The following KCNH7 variants were observed in gnomAD, a reference collection of about 807,000 sequenced individuals.
KCNH7 encodes the protein potassium voltage-gated channel subfamily H member 7.
In KCNH7, 49 loss-of-function variants were observed where a neutral mutation model predicts 120.8. The ratio of observed to expected loss-of-function variants is 0.41; its 90% confidence interval spans 0.32 to 0.51. The LOEUF (loss-of-function observed/expected upper bound fraction) is 0.51, where lower values mean the gene tolerates loss of function less well. Among genes scored for constraint, KCNH7 ranks in the 20% least tolerant of loss-of-function variants. The probability of loss-of-function intolerance (pLI) is 0.38; values close to 1 mark genes in which losing one functional copy is unlikely to be tolerated. For missense variants in KCNH7, 1,097 were observed against 1,446.6 expected, an observed-to-expected ratio of 0.76 and a Z score of 3.92; for synonymous variants, 547 against 516.1, an observed-to-expected ratio of 1.06 and a Z score of -0.81.
At position 162,810,064 on chromosome 2, in the gene KCNH7, C is replaced by T. The variant is rs1684685296; in HGVS notation, c.307+26473G>A. On this transcript the variant is annotated intron_variant, in intron 2 of 15. Coordinates refer to ENST00000332142, the MANE Select transcript of KCNH7 (RefSeq NM_033272.4). ...CCGAGTAGCTGGGACTACAGGCGCC[C>T]GCCACCACGCCCAGCTAATTTTTTG... Among the ~76,000 whole-genome samples the T allele has an allele frequency of 2.7e-5, 2 of 74,258 alleles. 1 individual carries two copies. Among genetic ancestry groups the T allele is most frequent in the African/African-American group, 8.6e-5 (2 of 23,322 alleles). 48.7% of individuals were successfully genotyped at this position (74,258 alleles called of 152,430 possible).
chr2:162,554,397 C>CA (rs937720694), intron 2 of KCNH7, among the ~76,000 whole-genome samples: 3 of 151,754 alleles, frequency 2.0e-5, no homozygotes, highest in Admixed American at 2.0e-4. Flanking sequence ...AAATTTGCCC[C>CA]AAAAAATGTT....
chr2:162,697,067 A>T (rs114700842), intron 2 of KCNH7, among the ~76,000 whole-genome samples: 1,532 of 152,314 alleles, frequency 0.01, 28 homozygotes, highest in African/African-American at 0.035. Context: ...AATAAATAAA[A>T]AATAAATACT....
chr2:162,680,102 T>C (rs1374503312), intron 2 of KCNH7, among the ~76,000 whole-genome samples: 1 of 151,612 alleles, frequency 6.6e-6, no homozygotes, highest in African/African-American at 2.4e-5. Flanking sequence ...TATTTTGTGC[T>C]GATTCACTTT....
chr2:162,653,236 A>C (rs1684630185), intron 2 of KCNH7, among the ~76,000 whole-genome samples: 1 of 152,244 alleles, frequency 6.6e-6, no homozygotes, highest in Non-Finnish European at 1.5e-5. Flanking sequence ...TGGTACTGGA[A>C]GTCCTAGTCA....
In KCNH7 at chr2:162,517,805, C is replaced by T. The variant is rs1691359746; in HGVS notation, c.817G>A (p.Ala273Thr). The change falls in exon 4 of 16, where the codon GCA (alanine) becomes ACA (threonine). Residue 273 changes from alanine (A) to threonine (T), a missense_variant. Around this residue, in one of 8 missense-constraint regions of KCNH7, gnomAD observed 362 missense variants for 372.2 expected, o/e 0.97. Transcript: ENST00000332142. Reference protein sequence around the residue: ...SRESLCSIRRASSVHDIEGFG... With the variant: ...SRESLCSIRRTSSVHDIEGFG... ...CCTTCTATATCATGGACCGAAGATG[C>T]TCTCCGTATACTACATAAGCTTTCC... The T allele has an allele frequency of 2.5e-6, 4 of 1,607,572 alleles. No homozygotes were observed. Among genetic ancestry groups the T allele is most frequent in the Non-Finnish European group, 3.4e-6 (4 of 1,174,916 alleles).
chr2:162,650,027 T>G (rs1684511597), intron 2 of KCNH7, among the ~76,000 whole-genome samples: 1 of 152,148 alleles, frequency 6.6e-6, no homozygotes, highest in African/African-American at 2.4e-5. Flanking sequence ...AGCACTTAAA[T>G]AAGCTACAGA....
At chr2:162,634,607 C>T (rs925148997) in intron 2 of KCNH7, among the ~76,000 whole-genome samples, 2 of 152,060 alleles carry the variant, frequency 1.3e-5, no homozygotes, top group African/African-American at 4.8e-5. Flanking sequence ...CTCTATGTCA[C>T]CGATGAGGGG....
chr2:162,807,256 C>CAAAAAAAAAAAAAAAAAAAAAA (rs745345993), intron 2 of KCNH7, among the ~76,000 whole-genome samples: 2 of 15,628 alleles, frequency 1.3e-4, no homozygotes, highest in African/African-American at 2.8e-4. Context: ...ACTAAAAATA[C>CAAAAAAAAAAAAAAAAAAAAAA]AAAAAAAAAA....
chr2:162,660,766 G>C (rs1207619785), intron 2 of KCNH7, among the ~76,000 whole-genome samples: 1 of 152,136 alleles, frequency 6.6e-6, no homozygotes, highest in East Asian at 1.9e-4. Context: ...ACACCTGCTT[G>C]AAATATTACA....
At chr2:162,758,424 T>A (rs1352780649) in intron 2 of KCNH7, among the ~76,000 whole-genome samples, 1 of 152,156 alleles carries the variant, frequency 6.6e-6, no homozygotes, top group East Asian at 1.9e-4. Context: ...ACTTAAAGTT[T>A]GTATGTATAC....
At chr2:162,664,937 C>T (rs1442864615) in intron 2 of KCNH7, among the ~76,000 whole-genome samples, 1 of 152,096 alleles carries the variant, frequency 6.6e-6, no homozygotes, top group Non-Finnish European at 1.5e-5. Flanking sequence ...TTACATCAGG[C>T]CCCAGCTATG....
At chr2:162,694,988 G>A (rs186884158) in intron 2 of KCNH7, among the ~76,000 whole-genome samples, 2 of 152,026 alleles carry the variant, frequency 1.3e-5, no homozygotes, top group East Asian at 1.9e-4. Context: ...TGATCCACCC[G>A]CCTCGGCCTC....
chr2:162,479,877 T>A (rs1323114189), intron 6 of KCNH7, among the ~76,000 whole-genome samples: 2 of 152,138 alleles, frequency 1.3e-5, no homozygotes, highest in African/African-American at 2.4e-5. Flanking sequence ...GAATGGAAAA[T>A]AAATGCAGGC....
intron 2 of KCNH7, among the ~76,000 whole-genome samples, chr2:162,762,194 T>C (rs1688990291): frequency 6.6e-6 from 1 of 151,998 alleles, no homozygotes; most frequent in Admixed American, 6.6e-5. Flanking sequence ...TCCTTTTTCA[T>C]GGCTTTTTTG....
At chr2:162,580,228 T>C (rs543478034) in intron 2 of KCNH7, among the ~76,000 whole-genome samples, 1 of 152,036 alleles carries the variant, frequency 6.6e-6, no homozygotes, top group African/African-American at 2.4e-5. Context: ...CACACGTCCA[T>C]CACTTACAAA....
At chr2:162,703,561 T>A (rs1686588647) in intron 2 of KCNH7, among the ~76,000 whole-genome samples, 1 of 152,122 alleles carries the variant, frequency 6.6e-6, no homozygotes, top group Non-Finnish European at 1.5e-5. Flanking sequence ...TGCATTACAG[T>A]AAGAAACCAA....
intron 2 of KCNH7, among the ~76,000 whole-genome samples, chr2:162,711,619 TTC>T (rs1686932005): frequency 2.6e-5 from 4 of 152,210 alleles, no homozygotes; most frequent in African/African-American, 9.6e-5. Flanking sequence ...GGAGGACGTT[TTC>T]CTAATGCCCA....
chr2:162,489,281 C>T (rs1309643288), intron 6 of KCNH7, among the ~76,000 whole-genome samples: 1 of 151,952 alleles, frequency 6.6e-6, no homozygotes, highest in Admixed American at 6.6e-5. Context: ...TCAGGGATGT[C>T]CAATATTTTG....
Position 162,778,030 on chromosome 2 carries a change from G to A in KCNH7, c.307+58507C>T, listed in dbSNP as rs372121867. 2.4e-4 allele frequency among the ~76,000 whole-genome samples: 37 copies of A among 151,920 alleles called. No homozygotes were observed. The East Asian group carries it at 3.9e-3, about 16-fold the overall frequency. ...TAAATGAATGATTCTCCAAATAATA[G>A]CAATTCAATAAAATTTAAGTTCCTA... is the stretch of plus-strand genomic sequence containing the variant. On this transcript the variant is annotated intron_variant, in intron 2 of 15. Coordinates refer to ENST00000332142, the MANE Select transcript of KCNH7 (RefSeq NM_033272.4).
Sources: allele counts gnomAD v4.1 joint callset (sites outside exome capture counted in the v4.1 genomes callset), GRCh38; gene constraint gnomAD v4.1.1; regional missense constraint gnomAD v4.1.1; transcripts MANE v1.5; gene names NCBI Gene and HGNC (gene_info 2026-07-23, HGNC 2026-07-21).